Variants in PDLIM5 observed in about 807,000 individuals in gnomAD.
The protein encoded by PDLIM5 is PDZ and LIM domain 5, also known as PDZ and LIM domain protein 5.
PDLIM5 carries 34 observed loss-of-function variants against 64.2 expected under a neutral mutation model. The ratio of observed to expected loss-of-function variants is 0.53; its 90% confidence interval spans 0.40 to 0.71. PDLIM5 has a LOEUF of 0.71. Ranked by LOEUF, PDLIM5 falls within the 30% of genes least tolerant of loss-of-function variation. The pLI, the probability that PDLIM5 is intolerant of heterozygous loss-of-function variation, is 0.00. For missense variants in PDLIM5, 683 were observed against 733.6 expected (o/e 0.93, Z 0.80); for synonymous variants, 253 against 269.1 (o/e 0.94, Z 0.59).
In PDLIM5 at chr4:94,506,399, G is replaced by A. The variant is rs569687305; in HGVS notation, c.97-17325G>A. Among the ~76,000 whole-genome samples, 5 of 152,280 alleles carry A rather than the reference G, an allele frequency of 3.3e-5. No homozygotes were observed. In the South Asian group the frequency reaches 1.0e-3, roughly 32 times the overall value. On this transcript the variant is annotated intron_variant, in intron 2 of 12. Transcript: ENST00000317968. ...CATTATTTTATGGCTCACAGTTCTG[G>A]AGACTGGGAACTCTGAGATCAAGTT...
rs33961001 is a variant in PDLIM5, at chr4:94,664,491, TAAA to T, written c.*431_*433del. Reference sequence around the variant, plus strand: ...TTATCAATAACAGAATTATTGTATTTAAAAAAAAACTAATACTTATCTTTAAAA... The same window carrying T: ...TTATCAATAACAGAATTATTGTATTTAAAAAACTAATACTTATCTTTAAAA... On this transcript the variant is annotated 3_prime_UTR_variant, in exon 13 of 13. Transcript: ENST00000317968. The T allele has an allele frequency of 7.2e-6, 5 of 690,590 alleles. No homozygotes were observed. The highest frequency in any genetic ancestry group is 1.3e-4 in the East Asian group (1 of 7,610). 42.8% of individuals were successfully genotyped at this position (690,590 alleles called of 1,614,324 possible).
intron 2 of PDLIM5, among the ~76,000 whole-genome samples, chr4:94,515,187 G>T (rs1277406162): frequency 6.6e-6 from 1 of 152,054 alleles, no homozygotes; most frequent in African/African-American, 2.4e-5. Context: ...ATGGAGAGTT[G>T]GGTACACATG....
At chr4:94,559,760 G>A (rs868023223) in intron 3 of PDLIM5, among the ~76,000 whole-genome samples, 1 of 152,108 alleles carries the variant, frequency 6.6e-6, no homozygotes, top group African/African-American at 2.4e-5. Flanking sequence ...CTGCTACTCT[G>A]TTCTACAATT....
At chr4:94,585,368 G>A (rs951410888) in intron 5 of PDLIM5, among the ~76,000 whole-genome samples, 197 bp from the exon 6 acceptor site, 1 of 152,084 alleles carries the variant, frequency 6.6e-6, no homozygotes, top group Non-Finnish European at 1.5e-5. Flanking sequence ...GGGATTACAG[G>A]CGTGAGCCAC....
chr4:94,591,042 G>A (rs942669447), intron 7 of PDLIM5, among the ~76,000 whole-genome samples: 2 of 152,050 alleles, frequency 1.3e-5, no homozygotes, highest in Non-Finnish European at 2.9e-5. Flanking sequence ...TGAATGTAGG[G>A]AACACAAACA....
rs761542134 is a variant in PDLIM5 at position 94,586,414 on chromosome 4, A to T, written c.890A>T (p.Glu297Val). 2.6e-6 allele frequency: 4 copies of T among 1,512,072 alleles called. No homozygotes were observed. Among genetic ancestry groups the T allele is most frequent in the African/African-American group, 1.4e-5 (1 of 72,588 alleles). The allele number at this position is 1,512,072 out of a possible 1,614,324, so 93.7% of individuals were successfully genotyped here. The change falls in exon 7 of 13, where the codon GAA becomes GTA. Residue 297 changes from glutamate to valine, a missense_variant. By Grantham distance (121) the Glu-to-Val change is moderately radical. Transcript: ENST00000317968. ...ATTGCTTATTATATTTCAGTGAAAG[A>T]ATCTGAAGCCGATAATACAAAGAAG... ...AQITGTEHLK[E>V]SEADNTKKAN...
chr4:94,516,060 A>C (rs1729329573), intron 2 of PDLIM5, among the ~76,000 whole-genome samples: 2 of 152,226 alleles, frequency 1.3e-5, no homozygotes, highest in South Asian at 4.1e-4. Context: ...GTTGATGAAG[A>C]CATGTTTCTA....
chr4:94,564,759 G>A (rs947517515), intron 3 of PDLIM5, among the ~76,000 whole-genome samples: 17 of 148,270 alleles, frequency 1.1e-4, no homozygotes, highest in South Asian at 1.1e-3. Flanking sequence ...GGGTTCAAGC[G>A]ATTCTCCTGC....
At chr4:94,592,200 A>C (rs993027739) in intron 7 of PDLIM5, among the ~76,000 whole-genome samples, 1 of 152,264 alleles carries the variant, frequency 6.6e-6, no homozygotes, top group Non-Finnish European at 1.5e-5. Context: ...ATGTGAATGA[A>C]GCAATGAAAT....
intron 8 of PDLIM5, among the ~76,000 whole-genome samples, chr4:94,636,529 A>G (rs1333507448): frequency 6.7e-6 from 1 of 150,124 alleles, no homozygotes; most frequent in African/African-American, 2.4e-5. Context: ...AGAAGTATAT[A>G]GAGTTCGTAC....
At chr4:94,536,548 T>C (rs1731334765) in intron 3 of PDLIM5, among the ~76,000 whole-genome samples, 1 of 152,152 alleles carries the variant, frequency 6.6e-6, no homozygotes, top group Non-Finnish European at 1.5e-5. Context: ...TATTACCTAC[T>C]CCAGTGCCTA....
At chr4:94,490,941 A>G (rs934230929) in intron 2 of PDLIM5, among the ~76,000 whole-genome samples, 6 of 152,186 alleles carry the variant, frequency 3.9e-5, no homozygotes, top group African/African-American at 1.2e-4. Flanking sequence ...ATTTTGTACT[A>G]TAATATAAAA....
intron 2 of PDLIM5, among the ~76,000 whole-genome samples, chr4:94,491,216 C>T (rs898282983): frequency 6.6e-5 from 10 of 152,138 alleles, no homozygotes; most frequent in Non-Finnish European, 1.2e-4. Context: ...ATTTAACTGG[C>T]ACCTAGCATT....
chr4:94,499,358 C>T (rs1560657918), intron 2 of PDLIM5, among the ~76,000 whole-genome samples: 2 of 151,838 alleles, frequency 1.3e-5, no homozygotes, highest in South Asian at 2.1e-4. Flanking sequence ...TTGAATAAGT[C>T]ATATATTCAT....
At chr4:94,514,991 A>G (rs1729236729) in intron 2 of PDLIM5, among the ~76,000 whole-genome samples, 1 of 152,236 alleles carries the variant, frequency 6.6e-6, no homozygotes, top group African/African-American at 2.4e-5. Context: ...ATTATTCATC[A>G]CTTTATGTAT....
chr4:94,660,149 C>T (rs1403917485), intron 11 of PDLIM5, among the ~76,000 whole-genome samples: 3 of 152,122 alleles, frequency 2.0e-5, no homozygotes, highest in South Asian at 2.1e-4. Context: ...CCACCTGCCT[C>T]GGCCTCCCAA....
At chr4:94,580,363 A>G (rs1735630293) in intron 5 of PDLIM5, among the ~76,000 whole-genome samples, 1 of 152,222 alleles carries the variant, frequency 6.6e-6, no homozygotes, top group Non-Finnish European at 1.5e-5. Flanking sequence ...CTGAATTATC[A>G]GAGCAACTTC....
At chr4:94,620,685 T>G (rs1344648344) in intron 8 of PDLIM5, among the ~76,000 whole-genome samples, 1 of 152,090 alleles carries the variant, frequency 6.6e-6, no homozygotes, top group African/African-American at 2.4e-5. Context: ...ATAAATTATT[T>G]ATAAATTATT....
At chr4:94,489,323 A>G (rs1008018233) in intron 2 of PDLIM5, among the ~76,000 whole-genome samples, 2 of 152,154 alleles carry the variant, frequency 1.3e-5, no homozygotes, top group Non-Finnish European at 2.9e-5. Context: ...ATCTTAGGTT[A>G]CACAACATGC....
Sources: gnomAD v4.1 joint callset for allele counts (sites outside exome capture counted in the v4.1 genomes callset) on GRCh38, gnomAD v4.1.1 for gene constraint, MANE v1.5 for transcripts, NCBI Gene and HGNC (gene_info 2026-07-23, HGNC 2026-07-21) for gene names.